The following EI24 variants were observed in gnomAD, a reference collection of about 807,000 sequenced individuals.
EI24 encodes the protein etoposide-induced protein 2.4 homolog.
A neutral mutation model predicts 48.6 loss-of-function variants in EI24; 21 were observed. That is an observed-to-expected ratio of 0.43 (90% CI 0.31 to 0.62). The LOEUF (loss-of-function observed/expected upper bound fraction) is 0.62. EI24 is among the 20% of genes least tolerant of loss of function. The pLI is 0.10. For synonymous variants in EI24, 114 were observed against 145.5 expected (o/e 0.78, Z 1.56); for missense variants, 280 against 410.5 (o/e 0.68, Z 2.75).
intron 6 of EI24, 32 bp downstream of exon 6, chr11:125,578,289 C>T (rs564111061): frequency 1.1e-5 from 17 of 1,612,580 alleles, no homozygotes; most frequent in Admixed American, 1.7e-5. Context: ...GTCTGGGTCC[C>T]GCAGCATGAT....
intron 2 of EI24, chr11:125,574,739 T>C (rs1249064613): frequency 6.6e-6 from 1 of 152,392 alleles, no homozygotes; most frequent in East Asian, 1.9e-4. Context: ...CTGCAGCACA[T>C]GTACTAAAAT....
At chr11:125,578,102 C>G (rs761407925) in intron 5 of EI24, 31 bp from the exon 6 acceptor site, 3 of 1,611,622 alleles carry the variant, frequency 1.9e-6, no homozygotes, top group Admixed American at 1.7e-5. Flanking sequence ...TCCATTTCTC[C>G]ATTTCTAGTA....
At chr11:125,576,554 G>T (rs1316466709) in intron 4 of EI24, among the ~76,000 whole-genome samples, 13 of 152,142 alleles carry the variant, frequency 8.5e-5, no homozygotes, top group Admixed American at 8.5e-4. Flanking sequence ...TTTCTAAAAT[G>T]ACTCATTCAC....
At chr11:125,576,771 C>G (rs1438140693) in intron 4 of EI24, among the ~76,000 whole-genome samples, 1 of 152,194 alleles carries the variant, frequency 6.6e-6, no homozygotes, top group Non-Finnish European at 1.5e-5. Context: ...CCAGTGCAGG[C>G]TTAACTGAAA....
chr11:125,578,661 G>T (rs1938855623), intron 6 of EI24, among the ~76,000 whole-genome samples: 1 of 151,570 alleles, frequency 6.6e-6, no homozygotes, highest in Non-Finnish European at 1.5e-5. Flanking sequence ...TAGTGACAGG[G>T]TTTCACCATG....
At chr11:125,582,775 C>T in intron 10 of EI24, among the ~76,000 whole-genome samples, 1 of 152,148 alleles carries the variant, frequency 6.6e-6, no homozygotes, top group Middle Eastern at 3.2e-3. Context: ...AAGCTCAATT[C>T]ATCTTTGATC....
At chr11:125,572,605 G>C (rs1305905037) in intron 2 of EI24, 36 bp downstream of exon 2, 2 of 1,588,784 alleles carry the variant, frequency 1.3e-6, no homozygotes, top group East Asian at 2.2e-5. Context: ...TCATCTCTCG[G>C]CCTTTTTTTT....
intron 3 of EI24, 66 bp from the exon 4 acceptor site, chr11:125,576,189 A>G: frequency 2.8e-6 from 4 of 1,438,378 alleles, no homozygotes; most frequent in Non-Finnish European, 3.9e-6. Context: ...ATATAAAATG[A>G]ACTACTGAAT....
intron 3 of EI24, 132 bp downstream of exon 3, chr11:125,575,540 C>G (rs1938705616): frequency 9.4e-7 from 1 of 1,069,198 alleles, no homozygotes; most frequent in Admixed American, 2.9e-5. Flanking sequence ...TTCCCCCCAA[C>G]AACATTGACT....
intron 1 of EI24, among the ~76,000 whole-genome samples, chr11:125,572,128 A>G (rs974539253): frequency 6.6e-6 from 1 of 152,208 alleles, no homozygotes; most frequent in Non-Finnish European, 1.5e-5. Flanking sequence ...AGTGCTTAGA[A>G]TGTGTAGGAG....
chr11:125,582,303 T>C, intron 9 of EI24, 43 bp from the exon 10 acceptor site: 2 of 1,480,702 alleles, frequency 1.4e-6, no homozygotes, highest in Non-Finnish European at 1.8e-6. Context: ...GTCATGTCTG[T>C]TATGAAGGTG....
intron 5 of EI24, 193 bp from the exon 6 acceptor site, chr11:125,577,940 T>C (rs1237459593): frequency 3.0e-6 from 2 of 664,984 alleles, no homozygotes; most frequent in Admixed American, 2.9e-5. Context: ...TATGGTTTCT[T>C]TGAATTGGAA....
intron 9 of EI24, among the ~76,000 whole-genome samples, chr11:125,581,537 CTTTTTTTTTTTTT>C (rs33956827): frequency 1.3e-3 from 67 of 50,748 alleles, no homozygotes; most frequent in African/African-American, 5.1e-3. Context: ...AGCAATTATT[CTTTTTTTTTTTTT>C]TTTTTTTTTT....
intron 10 of EI24, 100 bp downstream of exon 10, chr11:125,582,520 T>G: frequency 6.6e-6 from 6 of 909,466 alleles, no homozygotes; most frequent in Non-Finnish European, 9.7e-6. Context: ...ATTCTTACTG[T>G]AGGAAAATCT....
intron 7 of EI24, 133 bp from the exon 8 acceptor site, chr11:125,579,960 A>G: frequency 1.4e-6 from 1 of 735,422 alleles, no homozygotes; most frequent in South Asian, 1.6e-5. Flanking sequence ...CACTGTGCCC[A>G]CCCTGCACTC....
At chr11:125,581,077 A>AAATAATAATAATAATAAT (rs145007951) in intron 8 of EI24, 134 bp from the exon 9 acceptor site, 209 of 193,382 alleles carry the variant, frequency 1.1e-3, no homozygotes, top group Middle Eastern at 2.3e-3. Context: ...ACTCCATCTC[A>AAATAATAATAATAATAAT]AATAATAATA....
Position 125,575,364 on chromosome 11 carries a change from C to T in EI24, c.144C>T (p.Val48=). The change falls in exon 3 of 11, where the codon GTC becomes GTT. Residue 48 remains valine (V), a synonymous_variant. Coordinates refer to ENST00000278903, the MANE Select transcript of EI24 (RefSeq NM_004879.5). ...EEQRRRRASS[V]LAQRRAQSIE... is the part of the protein sequence containing the mutation. ...AGCGTCGAAGAAGGGCAAGTAGTGT[C>T]TTGGCACAGAGAAGAGCCCAGAGTA... is the stretch of plus-strand genomic sequence containing the variant. 1 of 1,591,978 alleles carries T rather than the reference C, an allele frequency of 6.3e-7. No homozygotes were observed. Among genetic ancestry groups the T allele is most frequent in the Non-Finnish European group, 8.6e-7 (1 of 1,169,194 alleles).
Position 125,575,378 on chromosome 11 carries a change from G to A in EI24, c.158G>A (p.Arg53Lys), listed in dbSNP as rs1324920326. The A allele has an allele frequency of 1.9e-6, 3 of 1,594,590 alleles. No individual in the cohort carries two copies. The African/African-American group carries it at 4.0e-5, about 21-fold the overall frequency. Residue 53 changes from arginine (R) to lysine (K), a missense_variant, in exon 3 of 11, where the codon AGA (arginine) becomes AAA (lysine). By Grantham distance (26) the Arg-to-Lys change is conservative (BLOSUM62 2). Around this residue, in one of 3 missense-constraint regions of EI24, gnomAD observed 204 missense variants for 294.1 expected, o/e 0.69. Coordinates refer to ENST00000278903, the MANE Select transcript of EI24 (RefSeq NM_004879.5). ...GCAAGTAGTGTCTTGGCACAGAGAAGAGCCCAGAGTATAGAGCGGAAGCAA... is the reference window on the plus strand; with the variant it reads ...GCAAGTAGTGTCTTGGCACAGAGAAAAGCCCAGAGTATAGAGCGGAAGCAA... Reference protein sequence around the residue: ...RRASSVLAQRRAQSIERKQES... With the variant: ...RRASSVLAQRKAQSIERKQES...
chr11:125,583,845 C>T lies in EI24; in HGVS notation c.*162C>T, dbSNP rs1301062889. 2.2e-6 allele frequency: 2 copies of T among 907,992 alleles called. No individual in the cohort carries two copies. Among genetic ancestry groups the T allele is most frequent in the Non-Finnish European group, 1.7e-6 (1 of 606,056 alleles). The allele number at this position is 907,992 out of a possible 1,614,324, so 56.2% of individuals were successfully genotyped here. ...AATTGAAATTTTTGTCTCTGGTGCA[C>T]GTAAGGCAGAATGTTCCCTGACACC... On this transcript the variant is annotated 3_prime_UTR_variant, in exon 11 of 11. Coordinates refer to ENST00000278903, the MANE Select transcript of EI24 (RefSeq NM_004879.5).
Sources: gnomAD v4.1 joint callset for allele counts (sites outside exome capture counted in the v4.1 genomes callset) on GRCh38, gnomAD v4.1.1 for gene constraint, gnomAD v4.1.1 regional missense constraint, MANE v1.5 for transcripts, NCBI Gene and HGNC (gene_info 2026-07-23, HGNC 2026-07-21) for gene names.